The following LIFR variants were observed in gnomAD, a reference collection of about 807,000 sequenced individuals.
The protein encoded by LIFR is LIF receptor subunit alpha, also known as leukemia inhibitory factor receptor.
A neutral mutation model predicts 122.2 loss-of-function variants in LIFR; 84 were observed. That is an observed-to-expected ratio of 0.69 (90% CI 0.58 to 0.82). The LOEUF is 0.82. Ranked by LOEUF, LIFR falls within the 40% of genes least tolerant of loss-of-function variation. LIFR has a pLI of 0.00. For synonymous variants in LIFR, 422 were observed against 434.7 expected, an observed-to-expected ratio of 0.97 and a Z score of 0.36; for missense variants, 1,294 against 1,311.6, an observed-to-expected ratio of 0.99 and a Z score of 0.21.
intron 12 of LIFR, among the ~76,000 whole-genome samples, chr5:38,498,402 G>A (rs1373983874): frequency 6.6e-6 from 1 of 152,084 alleles, no homozygotes; most frequent in Non-Finnish European, 1.5e-5. Flanking sequence ...GCATCTCCAA[G>A]TGATCCCATT....
intron 5 of LIFR, among the ~76,000 whole-genome samples, chr5:38,512,845 G>A (rs535853901): frequency 3.9e-5 from 6 of 151,976 alleles, no homozygotes; most frequent in Non-Finnish European, 8.8e-5. Context: ...GTAATTAATG[G>A]GGTTGCACTT....
intron 1 of LIFR, among the ~76,000 whole-genome samples, chr5:38,563,226 A>G (rs1171046670): frequency 6.6e-6 from 1 of 152,158 alleles, no homozygotes; most frequent in Admixed American, 6.5e-5. Context: ...AAACCTTTCC[A>G]CTACCCTAAT....
At chr5:38,549,266 C>CACAA (rs1446897411) in intron 1 of LIFR, among the ~76,000 whole-genome samples, 1 of 151,772 alleles carries the variant, frequency 6.6e-6, no homozygotes, top group African/African-American at 2.4e-5. Context: ...CACACACACA[C>CACAA]ACACACACAC....
In LIFR at chr5:38,481,755, GGA is replaced by G; in HGVS notation, c.3132_3133del (p.Pro1045Ter). 6.2e-7 allele frequency: 1 copy of G among 1,614,138 alleles called. No individual in the cohort carries two copies. Among genetic ancestry groups the G allele is most frequent in the South Asian group, 1.1e-5 (1 of 91,074 alleles). On this transcript the variant is annotated frameshift_variant, in exon 20 of 20. Transcript: ENST00000453190. LOFTEE classifies it high-confidence loss of function. ...CTCACTGTTGCTGTCTATGGATCTA[GGA>G]GAGTCTGGAGACACTAAATTCCATG...
chr5:38,482,085 T>G lies in LIFR; in HGVS notation c.2804A>C (p.Asp935Ala), dbSNP rs1250382128. The change falls in exon 20 of 20, where the codon GAT (aspartate) becomes GCT (alanine). Residue 935 changes from aspartate to alanine, a missense_variant. Transcript: ENST00000453190. ...GTTTTCAGGCTCTGCATCAGAGCGA[T>G]CTTCAGGACGCTCAGCTACTGGGGA... ...IISPVAERPE[D>A]RSDAEPENHV... The G allele has an allele frequency of 3.1e-6, 5 of 1,598,348 alleles. No individual in the cohort carries two copies. The African/African-American group carries it at 6.7e-5, about 22-fold the overall frequency.
Position 38,530,489 on chromosome 5 carries a change from AAGG to A in LIFR, c.142+14_142+16del, listed in dbSNP as rs1746944903. On this transcript the variant is annotated intron_variant, in intron 2 of 19. Coordinates refer to ENST00000453190, the MANE Select transcript of LIFR (RefSeq NM_001127671.2). ...AAACTGCAATCTGTTCATTCTCTGG[AAGG>A]CTGATGCACTTACCCTTTTTCTGGC... The A allele has an allele frequency of 6.2e-7, 1 of 1,604,780 alleles. No individual in the cohort carries two copies. Among genetic ancestry groups the A allele is most frequent in the East Asian group, 2.2e-5 (1 of 44,812 alleles).
At chr5:38,493,571 G>A in intron 14 of LIFR, 35 bp downstream of exon 14, 3 of 1,586,892 alleles carry the variant, frequency 1.9e-6, no homozygotes, top group East Asian at 2.2e-5. Context: ...AAAATATTTT[G>A]TAGAACTTAA....
At chr5:38,577,858 A>G (rs1749438406) in intron 1 of LIFR, among the ~76,000 whole-genome samples, 1 of 152,244 alleles carries the variant, frequency 6.6e-6, no homozygotes, top group African/African-American at 2.4e-5. Flanking sequence ...TGAAAGTATC[A>G]TTTGTGCATA....
chr5:38,562,543 A>G (rs1748876120), intron 1 of LIFR, among the ~76,000 whole-genome samples: 2 of 152,198 alleles, frequency 1.3e-5, no homozygotes, highest in Non-Finnish European at 2.9e-5. Context: ...CAAAAAAGCA[A>G]TTTACTCCCT....
At chr5:38,583,244 A>T (rs1561225842) in intron 1 of LIFR, among the ~76,000 whole-genome samples, 1 of 152,258 alleles carries the variant, frequency 6.6e-6, no homozygotes, top group Non-Finnish European at 1.5e-5. Flanking sequence ...GCATTCTAAC[A>T]TATGCTAATA....
At chr5:38,555,260 G>T (rs1016611232) in intron 1 of LIFR, among the ~76,000 whole-genome samples, 1 of 152,118 alleles carries the variant, frequency 6.6e-6, no homozygotes, top group Non-Finnish European at 1.5e-5. Context: ...AAACTCTCTG[G>T]TAACAGTGAA....
chr5:38,487,905 C>CCCACA (rs1744376506), intron 16 of LIFR, among the ~76,000 whole-genome samples: 1 of 152,194 alleles, frequency 6.6e-6, no homozygotes, highest in Admixed American at 6.5e-5. Context: ...TGCCTGACTG[C>CCCACA]CCACACAGAT....
chr5:38,510,819 T>C lies in LIFR; in HGVS notation c.737-101A>G. On this transcript the variant is annotated intron_variant, in intron 6 of 19. Transcript: ENST00000453190. ...TCTTTTCATAAGATGACTTTTAAAA[T>C]AGCCCAGTATATACACTACAAACTG... 7.6e-6 allele frequency: 7 copies of C among 925,918 alleles called. No homozygotes were observed. The South Asian group carries it at 1.1e-4, about 14-fold the overall frequency. 57.4% of individuals were successfully genotyped at this position (925,918 alleles called of 1,614,324 possible). A position where few individuals can be genotyped will look rare whatever the true frequency, so the allele number is the denominator to read the frequency against.
At chr5:38,493,183 C>T (rs1744690762) in intron 14 of LIFR, among the ~76,000 whole-genome samples, 1 of 152,012 alleles carries the variant, frequency 6.6e-6, no homozygotes, top group Non-Finnish European at 1.5e-5. Context: ...GGCAAAGGCC[C>T]TTGTGTGAGA....
intron 1 of LIFR, among the ~76,000 whole-genome samples, chr5:38,548,942 T>A (rs1473127249): frequency 6.6e-6 from 1 of 152,122 alleles, no homozygotes; most frequent in East Asian, 1.9e-4. Context: ...TTAATCACCA[T>A]ATCAGATCAG....
intron 1 of LIFR, among the ~76,000 whole-genome samples, chr5:38,591,403 CAG>C (rs1749917306): frequency 6.6e-6 from 1 of 152,218 alleles, no homozygotes; most frequent in Non-Finnish European, 1.5e-5. Flanking sequence ...GCTCATATAA[CAG>C]ACACCAGGCA....
chr5:38,585,233 GAAGTC>G (rs1400468421), intron 1 of LIFR, among the ~76,000 whole-genome samples: 2 of 152,138 alleles, frequency 1.3e-5, no homozygotes, highest in Admixed American at 6.5e-5. Context: ...TAAAAGAAAA[GAAGTC>G]AAGTACAAAT....
intron 1 of LIFR, among the ~76,000 whole-genome samples, chr5:38,576,946 A>C (rs553018646): frequency 1.3e-5 from 2 of 152,238 alleles, no homozygotes; most frequent in African/African-American, 4.8e-5. Flanking sequence ...CACATAAGCA[A>C]AACCATTGAT....
At position 38,481,921 on chromosome 5, in the gene LIFR, C is replaced by G. The variant is rs565020472; in HGVS notation, c.2968G>C (p.Glu990Gln). ...CCTCCTACAGGGTCATTTTCTTGTT[C>G]TTCTTCTGGTTTTGCTTGAGGCTGA... ...MYQPQAKPEE[E>Q]QENDPVGGAG... The change falls in exon 20 of 20, where the codon GAA becomes CAA. Residue 990 changes from glutamate to glutamine, a missense_variant. By Grantham distance (29) the Glu-to-Gln change is conservative. Transcript: ENST00000453190. 32 of 1,613,858 alleles carry G rather than the reference C, an allele frequency of 2.0e-5. No individual in the cohort carries two copies. Among genetic ancestry groups the G allele is most frequent in the Admixed American group, 8.3e-5 (5 of 59,986 alleles).
Sources: gnomAD v4.1 joint callset for allele counts (sites outside exome capture counted in the v4.1 genomes callset) on GRCh38, gnomAD v4.1.1 for gene constraint, MANE v1.5 for transcripts, NCBI Gene and HGNC (gene_info 2026-07-23, HGNC 2026-07-21) for gene names.